HIC1: variants seen among roughly 807,000 people sequenced by gnomAD.
HIC1 encodes hypermethylated in cancer 1 protein.
In HIC1, 9 loss-of-function variants were observed where a neutral mutation model predicts 26.4. The observed-to-expected ratio is 0.34, with a 90% CI of 0.21 to 0.59. The LOEUF is 0.59. Ranked by LOEUF, HIC1 falls within the 20% of genes least tolerant of loss-of-function variation. The pLI is 0.82. For missense variants in HIC1, 965 were observed against 1,075.7 expected, an observed-to-expected ratio of 0.90 and a Z score of 1.44; for synonymous variants, 631 against 523.1, an observed-to-expected ratio of 1.21 and a Z score of -2.81.
rs202145567 is a variant in HIC1 at position 2,056,285 on chromosome 17, A to G, written c.-20-386A>G. On this transcript the variant is annotated intron_variant, in intron 1 of 1. Coordinates refer to ENST00000619757, the MANE Select transcript of HIC1 (RefSeq NM_006497.4). ...TGGTTCCTCGGCTCCCTTTCTCCCT[A>G]CTTGGGTAAAGTTCTCCGCCCTGAA... 1.5e-4 allele frequency: 239 copies of G among 1,607,210 alleles called. No homozygotes were observed. In the African/African-American group the frequency reaches 3.0e-3, roughly 20 times the overall value.
chr17:2,059,110 C>A lies in HIC1; in HGVS notation c.*275C>A. On this transcript the variant is annotated 3_prime_UTR_variant, in exon 2 of 2. Transcript: ENST00000619757. The stretch of plus-strand genomic sequence containing the variant: ...AAAGGAGACCCCAGGCCCCTCCCGC[C>A]TCTTCCTGTGGTTCGTCGGCCCCCT... The A allele has an allele frequency of 2.6e-6, 1 of 377,722 alleles. No homozygotes were observed. Among genetic ancestry groups the A allele is most frequent in the Non-Finnish European group, 4.9e-6 (1 of 204,222 alleles). The allele number at this position is 377,722 out of a possible 1,614,324, so 23.4% of individuals were successfully genotyped here.
Position 2,061,465 on chromosome 17 carries a change from C to T in HIC1, c.*2630C>T, listed in dbSNP as rs1555528754. ...TGGTGGCCTTTCAGGAACGGTTCCA[C>T]GGGGGGGGGGCCCCAGTGTGGCTCC... is the stretch of plus-strand genomic sequence containing the variant. On this transcript the variant is annotated 3_prime_UTR_variant, in exon 2 of 2. Transcript: ENST00000619757. The T allele has an allele frequency of 7.4e-7, 1 of 1,358,776 alleles. No homozygotes were observed. The highest frequency in any genetic ancestry group is 9.9e-7 in the Non-Finnish European group (1 of 1,011,638). 84.2% of individuals were successfully genotyped at this position (1,358,776 alleles called of 1,614,324 possible). A position where few individuals can be genotyped will look rare whatever the true frequency, so the allele number is the denominator to read the frequency against.
In HIC1 at chr17:2,057,938, C is replaced by T; in HGVS notation, c.1248C>T (p.Asn416=). ...GCGAGCCCGAGAGCTTCGGTGACAA[C>T]CTGTACGTGTGCATTCCGTGCGGCA... ...AYGEPESFGD[N]LYVCIPCGKG... Residue 416 remains asparagine (N), a synonymous_variant, in exon 2 of 2, where the codon AAC becomes AAT. Coordinates refer to ENST00000619757, the MANE Select transcript of HIC1 (RefSeq NM_006497.4). 8.7e-6 allele frequency: 14 copies of T among 1,610,650 alleles called. No individual in the cohort carries two copies. The highest frequency in any genetic ancestry group is 1.0e-5 in the Non-Finnish European group (12 of 1,178,978).
rs1454852394 is a variant in HIC1, at chr17:2,058,951, A to G, written c.*116A>G. 3 of 950,514 alleles carry G rather than the reference A, an allele frequency of 3.2e-6. No homozygotes were observed. Among genetic ancestry groups the G allele is most frequent in the Non-Finnish European group, 4.4e-6 (3 of 688,254 alleles). The allele number at this position is 950,514 out of a possible 1,614,324, so 58.9% of individuals were successfully genotyped here. A position where few individuals can be genotyped will look rare whatever the true frequency, so the allele number is the denominator to read the frequency against. ...CCCGGGACAACCGCAGCGTCGCCAC[A>G]GTGGCGGCTCCACCTCTCGGCGGCC... On this transcript the variant is annotated 3_prime_UTR_variant, in exon 2 of 2. Transcript: ENST00000619757.
In HIC1 at chr17:2,061,511, G is replaced by A. The variant is rs371827551; in HGVS notation, c.*2676G>A. On this transcript the variant is annotated 3_prime_UTR_variant, in exon 2 of 2. Coordinates refer to ENST00000619757, the MANE Select transcript of HIC1 (RefSeq NM_006497.4). ...GCTCCCTCAGCCCACCTGGGCCCAC[G>A]TGAGGAAGGCTGGGATGTCCCGTAC... 22 of 1,573,886 alleles carry A rather than the reference G, an allele frequency of 1.4e-5. No homozygotes were observed. The highest frequency in any genetic ancestry group is 1.1e-4 in the African/African-American group (8 of 73,978).
In HIC1 at chr17:2,058,923, G is replaced by A; in HGVS notation, c.*88G>A. 8.4e-7 allele frequency: 1 copy of A among 1,190,072 alleles called. No homozygotes were observed. The highest frequency in any genetic ancestry group is 1.1e-6 in the Non-Finnish European group (1 of 903,130). The allele number at this position is 1,190,072 out of a possible 1,614,324, so 73.7% of individuals were successfully genotyped here. On this transcript the variant is annotated 3_prime_UTR_variant, in exon 2 of 2. Coordinates refer to ENST00000619757, the MANE Select transcript of HIC1 (RefSeq NM_006497.4). ...GCGGGGGCGGCGCGCAGGGCCCACT[G>A]TGCCCGGGACAACCGCAGCGTCGCC...
chr17:2,056,442 G>A, intron 1 of HIC1: 1 of 1,415,120 alleles, frequency 7.1e-7, no homozygotes, highest in South Asian at 1.1e-5. Flanking sequence ...GGCCGCCCTG[G>A]CCTCCCCTCC....
At position 2,057,639 on chromosome 17, in the gene HIC1, C is replaced by CA. The variant is rs2067685266; in HGVS notation, c.949_950insA (p.Pro317HisfsTer5). 1 of 1,516,998 alleles carries CA rather than the reference C, an allele frequency of 6.6e-7. No individual in the cohort carries two copies. Among genetic ancestry groups the CA allele is most frequent in the African/African-American group, 1.4e-5 (1 of 69,680 alleles). 94.0% of individuals were successfully genotyped at this position (1,516,998 alleles called of 1,614,324 possible). On this transcript the variant is annotated frameshift_variant, in exon 2 of 2. Coordinates refer to ENST00000619757, the MANE Select transcript of HIC1 (RefSeq NM_006497.4). LOFTEE classifies it high-confidence loss of function. Reference sequence around the variant, plus strand: ...CCTCTATCGCTGGATGAAGCACGAGCCGGGCCTGGGTAGCTATGGCGACGA... The same window carrying CA: ...CCTCTATCGCTGGATGAAGCACGAGCACGGGCCTGGGTAGCTATGGCGACGA...
chr17:2,058,895 G>A lies in HIC1; in HGVS notation c.*60G>A, dbSNP rs1437871914. The A allele has an allele frequency of 3.1e-6, 4 of 1,310,768 alleles. No homozygotes were observed. Among genetic ancestry groups the A allele is most frequent in the Non-Finnish European group, 3.9e-6 (4 of 1,015,770 alleles). 81.2% of individuals were successfully genotyped at this position (1,310,768 alleles called of 1,614,324 possible). A position where few individuals can be genotyped will look rare whatever the true frequency, so the allele number is the denominator to read the frequency against. ...GCGGCCCTGGCCCGCACCCCAGGGA[G>A]CGGCGGGGGCGGCGCGCAGGGCCCA... is the stretch of plus-strand genomic sequence containing the variant. On this transcript the variant is annotated 3_prime_UTR_variant, in exon 2 of 2. Coordinates refer to ENST00000619757, the MANE Select transcript of HIC1 (RefSeq NM_006497.4).
rs2067667598 is a variant in HIC1, at chr17:2,055,907, GCCGGGACGCGGGTGGGGCGCAGGC to G, written c.-21+675_-21+698del. On this transcript the variant is annotated intron_variant, in intron 1 of 1. Coordinates refer to ENST00000619757, the MANE Select transcript of HIC1 (RefSeq NM_006497.4). The surrounding 1 kb of genome is among the most constrained non-coding windows in gnomAD (Gnocchi z 6.4). ...CCGCGCGTGTAGGGCCCAGGCCGAG[GCCGGGACGCGGGTGGGGCGCAGGC>G]CCGGGTCAGGGCCGCAGCCGGCTGT... 2.0e-5 allele frequency among the ~76,000 whole-genome samples: 3 copies of G among 150,708 alleles called. No homozygotes were observed. Among genetic ancestry groups the G allele is most frequent in the Admixed American group, 2.0e-4 (3 of 15,142 alleles).
In HIC1 at chr17:2,057,701, C is replaced by G; in HGVS notation, c.1011C>G (p.Cys337Trp). 6.8e-7 allele frequency: 1 copy of G among 1,480,572 alleles called. No homozygotes were observed. The highest frequency in any genetic ancestry group is 8.9e-7 in the Non-Finnish European group (1 of 1,121,606). 91.7% of individuals were successfully genotyped at this position (1,480,572 alleles called of 1,614,324 possible). Residue 337 changes from cysteine (C) to tryptophan (W), a missense_variant, in exon 2 of 2, where the codon TGC (cysteine) becomes TGG (tryptophan). Cys to Trp is a radical substitution (Grantham distance 215). Around this residue, in one of 6 missense-constraint regions of HIC1, gnomAD observed 526 missense variants for 525.0 expected, o/e 1.00. Transcript: ENST00000619757. ...AGCGCGGCTCCCCCAGCGAGCGCTGCGAAGAGCGTGGTGGGGACGCGGCCG... is the reference window on the plus strand; with the variant it reads ...AGCGCGGCTCCCCCAGCGAGCGCTGGGAAGAGCGTGGTGGGGACGCGGCCG... ...GRERGSPSER[C>W]EERGGDAAVS...
At position 2,056,845 on chromosome 17, in the gene HIC1, A is replaced by G; in HGVS notation, c.155A>G (p.Tyr52Cys). 6.2e-7 allele frequency: 1 copy of G among 1,612,918 alleles called. No individual in the cohort carries two copies. The highest frequency in any genetic ancestry group is 8.5e-7 in the Non-Finnish European group (1 of 1,179,922). ...HKNVLAASSA[Y>C]LKSLVVHDNL... The stretch of plus-strand genomic sequence containing the variant: ...AACGTGCTGGCGGCCAGCAGCGCCT[A>G]CCTCAAGTCCCTGGTGGTGCATGAC... Residue 52 changes from tyrosine to cysteine, a missense_variant, in exon 2 of 2, where the codon TAC becomes TGC. Around this residue, in one of 6 missense-constraint regions of HIC1, gnomAD observed 64 missense variants for 114.0 expected, o/e 0.56. Transcript: ENST00000619757.
At chr17:2,056,620 G>C (rs911676219) in intron 1 of HIC1, 51 bp from the exon 2 acceptor site, 2 of 1,470,526 alleles carry the variant, frequency 1.4e-6, no homozygotes, top group Non-Finnish European at 9.0e-7. Context: ...GCTGGGGCCA[G>C]GCGGCCAGGG....
Position 2,058,793 on chromosome 17 carries a change from C to T in HIC1, c.2103C>T (p.Ala701=). The change falls in exon 2 of 2, where the codon GCC becomes GCT. Residue 701 remains alanine, a synonymous_variant. Coordinates refer to ENST00000619757, the MANE Select transcript of HIC1 (RefSeq NM_006497.4). The part of the protein sequence containing the change: ...EVLSQGAHLA[A]GPDGRTIDRF... Reference sequence around the variant, plus strand: ...TGAGCCAGGGCGCTCACCTGGCGGCCGGGCCCGACGGCCGGACCATCGACC... The same window carrying T: ...TGAGCCAGGGCGCTCACCTGGCGGCTGGGCCCGACGGCCGGACCATCGACC... 2.7e-6 allele frequency: 4 copies of T among 1,504,004 alleles called. No individual in the cohort carries two copies. Among genetic ancestry groups the T allele is most frequent in the Non-Finnish European group, 2.6e-6 (3 of 1,133,252 alleles). 93.2% of individuals were successfully genotyped at this position (1,504,004 alleles called of 1,614,324 possible). A position where few individuals can be genotyped will look rare whatever the true frequency, so the allele number is the denominator to read the frequency against.
At chr17:2,056,381 A>T (rs760278209) in intron 1 of HIC1, 1 of 1,604,412 alleles carries the variant, frequency 6.2e-7, no homozygotes, top group Non-Finnish European at 8.5e-7. Flanking sequence ...GCGCCTGAAC[A>T]GTTTTCTTCT....
chr17:2,058,889 C>A lies in HIC1; in HGVS notation c.*54C>A, dbSNP rs1190434480. On this transcript the variant is annotated 3_prime_UTR_variant, in exon 2 of 2. Transcript: ENST00000619757. ...TGCTGCGCGGCCCTGGCCCGCACCC[C>A]AGGGAGCGGCGGGGGCGGCGCGCAG... The A allele has an allele frequency of 5.2e-6, 7 of 1,344,232 alleles. No individual in the cohort carries two copies. The highest frequency in any genetic ancestry group is 6.7e-6 in the Non-Finnish European group (7 of 1,039,994). The allele number at this position is 1,344,232 out of a possible 1,614,324, so 83.3% of individuals were successfully genotyped here. A position where few individuals can be genotyped will look rare whatever the true frequency, so the allele number is the denominator to read the frequency against.
rs1218750423 is a variant in HIC1, at chr17:2,056,984, C to T, written c.294C>T (p.Ala98=). 1 of 1,566,666 alleles carries T rather than the reference C, an allele frequency of 6.4e-7. No individual in the cohort carries two copies. The highest frequency in any genetic ancestry group is 1.4e-5 in the African/African-American group (1 of 71,886). The change falls in exon 2 of 2, where the codon GCC becomes GCT. Residue 98 remains alanine, a synonymous_variant. Transcript: ENST00000619757. The part of the protein sequence containing the change: ...ADGAEAAAAA[A]VAPGAEPSLG... ...GCGCAGAGGCGGCTGCGGCCGCGGC[C>T]GTGGCCCCGGGGGCTGAGCCGAGCC...
rs776525632 is a variant in HIC1 at position 2,058,086 on chromosome 17, C to T, written c.1396C>T (p.Pro466Ser). Residue 466 changes from proline (P) to serine (S), a missense_variant, in exon 2 of 2, where the codon CCT (proline) becomes TCT (serine). Coordinates refer to ENST00000619757, the MANE Select transcript of HIC1 (RefSeq NM_006497.4). ...VAAGAAGLGP[P>S]FGGGGDKVAG... ...CGCTGGGGCCGCCGGCCTAGGGCCCCCTTTTGGAGGCGGCGGGGACAAGGT... is the reference window on the plus strand; with the variant it reads ...CGCTGGGGCCGCCGGCCTAGGGCCCTCTTTTGGAGGCGGCGGGGACAAGGT... The T allele has an allele frequency of 5.7e-6, 9 of 1,589,256 alleles. No homozygotes were observed. Among genetic ancestry groups the T allele is most frequent in the African/African-American group, 5.4e-5 (4 of 74,490 alleles).
chr17:2,058,217 G>T lies in HIC1; in HGVS notation c.1527G>T (p.Thr509=). The T allele has an allele frequency of 6.2e-7, 1 of 1,611,620 alleles. No individual in the cohort carries two copies. Among genetic ancestry groups the T allele is most frequent in the Non-Finnish European group, 8.5e-7 (1 of 1,179,792 alleles). ...DPATLRQHEK[T]HWLTRPYPCT... ...CCACGCTGCGGCAGCACGAGAAGAC[G>T]CACTGGCTGACCCGGCCCTACCCAT... Residue 509 remains threonine, a synonymous_variant, in exon 2 of 2, where the codon ACG becomes ACT. Coordinates refer to ENST00000619757, the MANE Select transcript of HIC1 (RefSeq NM_006497.4).
Sources: allele counts gnomAD v4.1 joint callset (sites outside exome capture counted in the v4.1 genomes callset), GRCh38; gene constraint gnomAD v4.1.1; regional missense constraint gnomAD v4.1.1; non-coding constraint Gnocchi (gnomAD v3.1); transcripts MANE v1.5; gene names NCBI Gene and HGNC (gene_info 2026-07-23, HGNC 2026-07-21).